GALNT13: variants seen among roughly 807,000 people sequenced by gnomAD.
GALNT13 encodes the protein polypeptide N-acetylgalactosaminyltransferase 13, also known as UDP-GalNAc:polypeptide N-acetylgalactosaminyltransferase 13.
A neutral mutation model predicts 64.2 loss-of-function variants in GALNT13; 28 were observed. That is an observed-to-expected ratio of 0.44 (90% CI 0.32 to 0.60). GALNT13 has a LOEUF of 0.60. Among genes scored for constraint, GALNT13 ranks in the 20% least tolerant of loss-of-function variants. The probability of loss-of-function intolerance (pLI) is 0.05; values close to 1 mark genes in which losing one functional copy is unlikely to be tolerated. For synonymous variants in GALNT13, 214 were observed against 224.6 expected (o/e 0.95, Z 0.42); for missense variants, 577 against 669.8 (o/e 0.86, Z 1.53).
chr2:153,734,419 C>A, the GALNT13 span, among the ~76,000 whole-genome samples: 1 of 152,036 alleles, frequency 6.6e-6, no homozygotes, highest in Non-Finnish European at 1.5e-5. Flanking sequence ...TAAGTCTAAT[C>A]TGAATTTAGT....
the GALNT13 span, among the ~76,000 whole-genome samples, chr2:153,176,928 A>G: frequency 6.6e-6 from 1 of 152,162 alleles, no homozygotes; most frequent in African/African-American, 2.4e-5. Context: ...ATGAAAATAT[A>G]CTTTAGGCAT....
chr2:153,096,309 A>T, the GALNT13 span, among the ~76,000 whole-genome samples: 2 of 152,014 alleles, frequency 1.3e-5, no homozygotes, highest in Non-Finnish European at 2.9e-5. Flanking sequence ...CTTGAGAATG[A>T]TCCATGTACT....
At chr2:153,916,045 T>C (rs1689313181) in intron 2 of GALNT13, among the ~76,000 whole-genome samples, 1 of 152,120 alleles carries the variant, frequency 6.6e-6, no homozygotes, top group Non-Finnish European at 1.5e-5. Context: ...AAGGAGAGGA[T>C]AGGAATTACA....
At chr2:154,253,297 G>A (rs7600891) in intron 7 of GALNT13, among the ~76,000 whole-genome samples, 101,306 of 151,912 alleles carry the variant, frequency 0.67, 34,286 homozygotes, top group East Asian at 0.85. Flanking sequence ...TTATCACAGC[G>A]TGAAATACAG....
At chr2:154,036,647 T>A (rs1006974016) in intron 3 of GALNT13, among the ~76,000 whole-genome samples, 4 of 152,130 alleles carry the variant, frequency 2.6e-5, no homozygotes, top group African/African-American at 7.2e-5. Context: ...ATTTTTTAAC[T>A]AAAATATTTT....
At chr2:153,826,537 G>T in the GALNT13 span, among the ~76,000 whole-genome samples, 1 of 151,984 alleles carries the variant, frequency 6.6e-6, no homozygotes, top group Non-Finnish European at 1.5e-5. Flanking sequence ...AGTGTTCCCT[G>T]GTATTACCTG....
the GALNT13 span, among the ~76,000 whole-genome samples, chr2:153,718,912 G>C: frequency 3.9e-4 from 60 of 152,234 alleles, no homozygotes; most frequent in Non-Finnish European, 6.5e-4. Context: ...TACACTACAT[G>C]TCTAATTAAA....
intron 3 of GALNT13, among the ~76,000 whole-genome samples, chr2:153,979,131 G>T (rs1694279992): frequency 6.6e-6 from 1 of 151,750 alleles, no homozygotes; most frequent in Non-Finnish European, 1.5e-5. Flanking sequence ...TTAAATCTAG[G>T]TTACTTTTAT....
the GALNT13 span, among the ~76,000 whole-genome samples, chr2:153,138,060 G>C: frequency 6.6e-6 from 1 of 151,980 alleles, no homozygotes; most frequent in Non-Finnish European, 1.5e-5. Context: ...TCAAATATTT[G>C]CTTATTTAAT....
chr2:153,410,521 C>A, the GALNT13 span, among the ~76,000 whole-genome samples: 2 of 152,142 alleles, frequency 1.3e-5, no homozygotes, highest in Non-Finnish European at 2.9e-5. Flanking sequence ...CTCATTTAAT[C>A]ATTTCAAACA....
the GALNT13 span, among the ~76,000 whole-genome samples, chr2:153,382,266 G>T: frequency 6.6e-6 from 1 of 151,950 alleles, no homozygotes; most frequent in African/African-American, 2.4e-5. Context: ...TGCTACATGG[G>T]TATATTGAAC....
intron 9 of GALNT13, among the ~76,000 whole-genome samples, chr2:154,325,772 A>G (rs1267484907): frequency 6.6e-6 from 1 of 152,130 alleles, no homozygotes; most frequent in African/African-American, 2.4e-5. Context: ...TTAATTATAT[A>G]TAATCAAGCA....
the GALNT13 span, among the ~76,000 whole-genome samples, chr2:153,648,249 A>G: frequency 5.9e-5 from 9 of 152,164 alleles, no homozygotes; most frequent in Non-Finnish European, 5.9e-5. Context: ...GAATTCACTT[A>G]TGATTTGGTT....
the GALNT13 span, among the ~76,000 whole-genome samples, chr2:153,589,505 T>TA: frequency 6.6e-6 from 1 of 152,192 alleles, no homozygotes; most frequent in Non-Finnish European, 1.5e-5. Context: ...TTTTCAGCAG[T>TA]GCCCCACTCT....
intron 4 of GALNT13, among the ~76,000 whole-genome samples, chr2:154,210,411 C>T (rs1687696878): frequency 6.6e-6 from 1 of 152,130 alleles, no homozygotes; most frequent in Admixed American, 6.5e-5. Flanking sequence ...AACCTTTATA[C>T]AGTTTCTCAT....
At chr2:153,750,328 T>A in the GALNT13 span, among the ~76,000 whole-genome samples, 62 of 151,990 alleles carry the variant, frequency 4.1e-4, 1 homozygote, top group Admixed American at 3.7e-3. Flanking sequence ...ATCACGGTAA[T>A]ACTGGCCTCA....
At chr2:153,081,038 T>C in the GALNT13 span, among the ~76,000 whole-genome samples, 1 of 152,056 alleles carries the variant, frequency 6.6e-6, no homozygotes, top group African/African-American at 2.4e-5. Context: ...TATATAAATA[T>C]GTGTGCTTCT....
the GALNT13 span, among the ~76,000 whole-genome samples, chr2:153,617,378 A>G: frequency 6.6e-6 from 1 of 152,050 alleles, no homozygotes; most frequent in Admixed American, 6.6e-5. Context: ...TGATTTGCAT[A>G]CATTGAACCA....
At chr2:154,212,538 C>G (rs770635062) in intron 4 of GALNT13, among the ~76,000 whole-genome samples, 1 of 152,116 alleles carries the variant, frequency 6.6e-6, no homozygotes, top group Non-Finnish European at 1.5e-5. Context: ...GCCACTGTGC[C>G]CAGCCCAGGC....
Sources: allele counts gnomAD v4.1 joint callset (sites outside exome capture counted in the v4.1 genomes callset), GRCh38; gene constraint gnomAD v4.1.1; transcripts MANE v1.5; gene names NCBI Gene and HGNC (gene_info 2026-07-23, HGNC 2026-07-21).